LRCH1: variants seen among roughly 807,000 people sequenced by gnomAD.
LRCH1 encodes leucine rich repeats and calponin homology domain containing 1, also known as leucine-rich repeat and calponin homology domain-containing protein 1.
In LRCH1, 23 loss-of-function variants were observed where a neutral mutation model predicts 94.9. That is an observed-to-expected ratio of 0.24 (90% CI 0.17 to 0.34). LRCH1 has a LOEUF of 0.34. Ranked by LOEUF, LRCH1 falls within the 10% of genes least tolerant of loss-of-function variation. The probability of loss-of-function intolerance (pLI) is 1.00; values close to 1 mark genes in which losing one functional copy is unlikely to be tolerated. For missense variants in LRCH1, 790 were observed against 945.9 expected (o/e 0.84, Z 2.16); for synonymous variants, 364 against 354.9 (o/e 1.03, Z -0.29).
intron 1 of LRCH1, among the ~76,000 whole-genome samples, chr13:46,594,946 G>A (rs2050542704): frequency 6.6e-6 from 1 of 152,126 alleles, no homozygotes; most frequent in African/African-American, 2.4e-5. Context: ...TATAAAGAAA[G>A]TCTCATAAAT....
At chr13:46,589,970 A>G (rs921573410) in intron 1 of LRCH1, among the ~76,000 whole-genome samples, 1 of 150,454 alleles carries the variant, frequency 6.6e-6, no homozygotes, top group Non-Finnish European at 1.5e-5. Flanking sequence ...GACATCCCAC[A>G]TGGAGGATGT....
Position 46,744,540 on chromosome 13 carries a change from C to T in LRCH1, c.*2692C>T, listed in dbSNP as rs766764435. The T allele has an allele frequency of 1.1e-5, 11 of 985,074 alleles. No homozygotes were observed. Among genetic ancestry groups the T allele is most frequent in the African/African-American group, 5.3e-5 (3 of 57,112 alleles). 61.0% of individuals were successfully genotyped at this position (985,074 alleles called of 1,614,324 possible). On this transcript the variant is annotated 3_prime_UTR_variant, in exon 20 of 20. Coordinates refer to ENST00000389797, the MANE Select transcript of LRCH1 (RefSeq NM_001164211.2). ...AAATGGGGCTGGTGGAAAGGGGCCC[C>T]GCAGAACTACAATGTATGATAATCG... is the stretch of plus-strand genomic sequence containing the variant.
At chr13:46,603,904 G>A (rs555022797) in intron 1 of LRCH1, among the ~76,000 whole-genome samples, 4 of 152,282 alleles carry the variant, frequency 2.6e-5, no homozygotes, top group Admixed American at 1.3e-4. Context: ...CAATCCTCCT[G>A]CCTTGGCCTT....
chr13:46,678,848 G>A (rs982500725), intron 3 of LRCH1, among the ~76,000 whole-genome samples: 21 of 152,170 alleles, frequency 1.4e-4, no homozygotes, highest in Non-Finnish European at 2.8e-4. Flanking sequence ...AGCAAGGTGA[G>A]TATAGTTCAC....
At chr13:46,598,748 A>G (rs970995275) in intron 1 of LRCH1, among the ~76,000 whole-genome samples, 2 of 152,212 alleles carry the variant, frequency 1.3e-5, no homozygotes, top group African/African-American at 4.8e-5. Context: ...CCTGGATTCA[A>G]CTTACACAGG....
intron 2 of LRCH1, among the ~76,000 whole-genome samples, chr13:46,663,141 T>C (rs76097241): frequency 0.028 from 4,307 of 152,314 alleles, 194 homozygotes; most frequent in African/African-American, 0.098. Flanking sequence ...GGCTCCCAGA[T>C]TTAATATACA....
intron 1 of LRCH1, among the ~76,000 whole-genome samples, chr13:46,608,139 G>A (rs1256399960): frequency 1.3e-5 from 2 of 152,172 alleles, no homozygotes; most frequent in African/African-American, 4.8e-5. Flanking sequence ...CCTTTCCAAA[G>A]TTACCAGAAC....
At chr13:46,704,863 A>G (rs1434560938) in intron 11 of LRCH1, among the ~76,000 whole-genome samples, 1 of 152,144 alleles carries the variant, frequency 6.6e-6, no homozygotes, top group Non-Finnish European at 1.5e-5. Context: ...TGTATTACCA[A>G]TAGCAGATGG....
intron 1 of LRCH1, among the ~76,000 whole-genome samples, chr13:46,582,689 CG>C (rs1220493358): frequency 1.5e-3 from 54 of 37,060 alleles, no homozygotes; most frequent in African/African-American, 4.1e-3. Flanking sequence ...TTAGTAGAGA[CG>C]GGGTCTCAAC....
chr13:46,701,317 C>T (rs1871459172), intron 11 of LRCH1, 110 bp downstream of exon 11: 4 of 662,746 alleles, frequency 6.0e-6, no homozygotes, highest in African/African-American at 1.9e-5. Flanking sequence ...TGGCCCAGTC[C>T]AGCTACTAAC....
chr13:46,658,761 G>A (rs965860888), intron 2 of LRCH1, among the ~76,000 whole-genome samples: 2 of 152,152 alleles, frequency 1.3e-5, no homozygotes, highest in African/African-American at 4.8e-5. Context: ...GATTACAGGC[G>A]TGAGCCACCA....
intron 2 of LRCH1, among the ~76,000 whole-genome samples, chr13:46,662,667 C>T (rs1385794823): frequency 6.6e-6 from 1 of 152,090 alleles, no homozygotes; most frequent in Non-Finnish European, 1.5e-5. Flanking sequence ...TAAGTGTAGA[C>T]ATTGGTAGCT....
intron 1 of LRCH1, among the ~76,000 whole-genome samples, chr13:46,649,886 G>A (rs933747738): frequency 7.9e-5 from 12 of 151,828 alleles, no homozygotes; most frequent in African/African-American, 2.2e-4. Context: ...ATTCAGATAC[G>A]TTAAAGGATA....
At position 46,673,257 on chromosome 13, in the gene LRCH1, G is replaced by A. The variant is rs1020305800; in HGVS notation, c.579+4101G>A. Among the ~76,000 whole-genome samples the A allele has an allele frequency of 2.6e-5, 4 of 152,176 alleles. No homozygotes were observed. In the East Asian group the frequency reaches 7.7e-4, roughly 29 times the overall value. On this transcript the variant is annotated intron_variant, in intron 3 of 19. Coordinates refer to ENST00000389797, the MANE Select transcript of LRCH1 (RefSeq NM_001164211.2). ...CCTGGATTCGGCAGCTCCGTCACCTGTGTTCTTTCCGTTCCCTGCCCCTGT... is the reference window on the plus strand; with the variant it reads ...CCTGGATTCGGCAGCTCCGTCACCTATGTTCTTTCCGTTCCCTGCCCCTGT...
At chr13:46,563,897 G>T (rs1243076486) in intron 1 of LRCH1, among the ~76,000 whole-genome samples, 2 of 152,142 alleles carry the variant, frequency 1.3e-5, no homozygotes, top group African/African-American at 2.4e-5. Context: ...TCACATCAAA[G>T]GGTCGTTTCT....
rs1261866091 is a variant in LRCH1, at chr13:46,743,190, G to A, written c.*1342G>A. 2.0e-6 allele frequency: 2 copies of A among 985,620 alleles called. No homozygotes were observed. The highest frequency in any genetic ancestry group is 1.7e-5 in the African/African-American group (1 of 57,232). The allele number at this position is 985,620 out of a possible 1,614,324, so 61.1% of individuals were successfully genotyped here. A position where few individuals can be genotyped will look rare whatever the true frequency, so the allele number is the denominator to read the frequency against. ...TTTCTAGTTTATTAAGATGCAAACA[G>A]CTCTCATAGATGGCTACTACGAAGA... On this transcript the variant is annotated 3_prime_UTR_variant, in exon 20 of 20. Transcript: ENST00000389797.
intron 1 of LRCH1, among the ~76,000 whole-genome samples, chr13:46,582,128 C>T (rs7330493): frequency 0.52 from 70,255 of 135,630 alleles, 17,719 homozygotes; most frequent in Middle Eastern, 0.63. Context: ...CCAGCCTGGG[C>T]GGCAGAGAGA....
At chr13:46,654,615 G>A (rs939408054) in intron 2 of LRCH1, among the ~76,000 whole-genome samples, 2 of 152,164 alleles carry the variant, frequency 1.3e-5, no homozygotes, top group Admixed American at 1.3e-4. Context: ...TATAATCAAT[G>A]CAGGACATTA....
intron 17 of LRCH1, among the ~76,000 whole-genome samples, chr13:46,727,978 A>G (rs775497213): frequency 2.7e-5 from 4 of 150,934 alleles, no homozygotes; most frequent in Non-Finnish European, 4.4e-5. Flanking sequence ...GTGCAATGGC[A>G]TGATCTCAAC....
Sources: gnomAD v4.1 joint callset for allele counts (sites outside exome capture counted in the v4.1 genomes callset) on GRCh38, gnomAD v4.1.1 for gene constraint, MANE v1.5 for transcripts, NCBI Gene and HGNC (gene_info 2026-07-23, HGNC 2026-07-21) for gene names.